Variants in CPPED1 observed in about 807,000 individuals in gnomAD.
CPPED1 encodes serine/threonine-protein phosphatase CPPED1.
CPPED1 carries 28 observed loss-of-function variants against 28.0 expected under a neutral mutation model. That is an observed-to-expected ratio of 1.00 (90% CI 0.74 to 1.37). The LOEUF (loss-of-function observed/expected upper bound fraction) is 1.37, where lower values mean the gene tolerates loss of function less well. Among genes scored for constraint, CPPED1 ranks in the 40% most tolerant of loss-of-function variants. The pLI is 0.00. For synonymous variants in CPPED1, 198 were observed against 180.2 expected (o/e 1.10, Z -0.79); for missense variants, 504 against 416.5 (o/e 1.21, Z -1.83).
At chr16:12,687,864 C>CCAGTT (rs2079941392) in intron 3 of CPPED1, among the ~76,000 whole-genome samples, 1 of 151,710 alleles carries the variant, frequency 6.6e-6, no homozygotes, top group Non-Finnish European at 1.5e-5. Flanking sequence ...AAAGCAGGCA[C>CCAGTT]TTAACTGAGT....
Position 12,689,217 on chromosome 16 carries a change from C to CTTTTTTTTTTT in CPPED1, c.715+15396_715+15406dup, listed in dbSNP as rs869107040. 3.9e-4 allele frequency among the ~76,000 whole-genome samples: 33 copies of CTTTTTTTTTTT among 83,586 alleles called. 2 individuals carry two copies. The highest frequency in any genetic ancestry group is 1.6e-3 in the African/African-American group (32 of 20,086). 54.8% of individuals were successfully genotyped at this position (83,586 alleles called of 152,430 possible). A position where few individuals can be genotyped will look rare whatever the true frequency, so the allele number is the denominator to read the frequency against. On this transcript the variant is annotated intron_variant, in intron 3 of 3. Coordinates refer to ENST00000381774, the MANE Select transcript of CPPED1 (RefSeq NM_018340.3). ...TATGATCAGCTATATGAAAAGAGGG[C>CTTTTTTTTTTT]TTTTTTTTTTTTTTTTTTTTTTTTA...
chr16:12,679,066 C>T (rs909515503), intron 3 of CPPED1, among the ~76,000 whole-genome samples: 1 of 152,146 alleles, frequency 6.6e-6, no homozygotes, highest in Non-Finnish European at 1.5e-5. Context: ...AGAGTTTGAT[C>T]AGTGAAAGCT....
At chr16:12,680,451 T>A (rs1032561401) in intron 3 of CPPED1, among the ~76,000 whole-genome samples, 10 of 152,098 alleles carry the variant, frequency 6.6e-5, no homozygotes, top group Non-Finnish European at 1.3e-4. Flanking sequence ...ATCTTAATAA[T>A]AAAAATACTG....
At chr16:12,683,043 C>T (rs1279099603) in intron 3 of CPPED1, among the ~76,000 whole-genome samples, 1 of 152,152 alleles carries the variant, frequency 6.6e-6, no homozygotes, top group Admixed American at 6.5e-5. Flanking sequence ...GGCGGCCAGC[C>T]ACGGAAGGAA....
chr16:12,700,752 C>T (rs1472755595), intron 3 of CPPED1, among the ~76,000 whole-genome samples: 1 of 152,216 alleles, frequency 6.6e-6, no homozygotes, highest in Non-Finnish European at 1.5e-5. Context: ...GAGCTAATAT[C>T]TGAGCCAGGT....
At chr16:12,783,804 T>C (rs1295366416) in intron 1 of CPPED1, among the ~76,000 whole-genome samples, 4 of 152,160 alleles carry the variant, frequency 2.6e-5, no homozygotes, top group Non-Finnish European at 5.9e-5. Flanking sequence ...AGTCCTCAAC[T>C]TACAGCACAG....
intron 2 of CPPED1, among the ~76,000 whole-genome samples, chr16:12,717,496 C>T (rs1387512042): frequency 6.6e-6 from 1 of 152,186 alleles, no homozygotes; most frequent in Non-Finnish European, 1.5e-5. Context: ...AATCTCCTGA[C>T]CTCGTGACCT....
At chr16:12,771,354 T>C (rs1299608165) in intron 2 of CPPED1, among the ~76,000 whole-genome samples, 1 of 152,270 alleles carries the variant, frequency 6.6e-6, no homozygotes, top group East Asian at 1.9e-4. Flanking sequence ...TACCATGTGC[T>C]GGCTTCTTGC....
intron 2 of CPPED1, among the ~76,000 whole-genome samples, chr16:12,737,881 G>A (rs1254686915): frequency 6.6e-6 from 1 of 152,110 alleles, no homozygotes; most frequent in Non-Finnish European, 1.5e-5. Flanking sequence ...CCTGTGTCAG[G>A]GGACCCCTGC....
chr16:12,702,531 CTCAATCAATCAA>C (rs372602706), intron 3 of CPPED1, among the ~76,000 whole-genome samples: 2 of 149,046 alleles, frequency 1.3e-5, no homozygotes, highest in Non-Finnish European at 1.5e-5. Flanking sequence ...AAGCAAGACT[CTCAATCAATCAA>C]TCAATCAATC....
chr16:12,773,682 C>T (rs2080482126), intron 2 of CPPED1, among the ~76,000 whole-genome samples: 1 of 152,180 alleles, frequency 6.6e-6, no homozygotes, highest in African/African-American at 2.4e-5. Flanking sequence ...GATCATGACA[C>T]TGTACCCAGC....
intron 2 of CPPED1, among the ~76,000 whole-genome samples, chr16:12,716,820 T>C (rs1163853171): frequency 6.6e-6 from 1 of 152,202 alleles, no homozygotes; most frequent in Non-Finnish European, 1.5e-5. Flanking sequence ...AGTGTCTTTG[T>C]TCTCAATGGC....
intron 1 of CPPED1, among the ~76,000 whole-genome samples, chr16:12,803,197 C>T (rs2080671106): frequency 6.6e-6 from 1 of 152,244 alleles, no homozygotes; most frequent in South Asian, 2.1e-4. Context: ...CTCTCTACTG[C>T]TCTGATGGGG....
At chr16:12,722,956 C>T (rs1360557676) in intron 2 of CPPED1, among the ~76,000 whole-genome samples, 1 of 152,150 alleles carries the variant, frequency 6.6e-6, no homozygotes, top group African/African-American at 2.4e-5. Flanking sequence ...AACAGGAAGA[C>T]ATCGGGATAC....
chr16:12,687,047 T>A (rs906714576), intron 3 of CPPED1, among the ~76,000 whole-genome samples: 1 of 152,162 alleles, frequency 6.6e-6, no homozygotes, highest in Non-Finnish European at 1.5e-5. Context: ...CATAAATGGC[T>A]GCATTTAGGA....
intron 1 of CPPED1, among the ~76,000 whole-genome samples, chr16:12,795,511 T>C (rs1027690167): frequency 2.6e-5 from 4 of 152,176 alleles, no homozygotes; most frequent in African/African-American, 9.6e-5. Flanking sequence ...AGCTAATCAT[T>C]GTATTTTTAG....
intron 2 of CPPED1, among the ~76,000 whole-genome samples, chr16:12,773,500 A>G (rs1039011698): frequency 7.9e-5 from 12 of 152,182 alleles, no homozygotes; most frequent in Non-Finnish European, 1.6e-4. Flanking sequence ...AGGCAAGCAG[A>G]TCACTTCCAG....
intron 2 of CPPED1, among the ~76,000 whole-genome samples, chr16:12,708,988 G>A (rs556146486): frequency 6.6e-6 from 1 of 152,282 alleles, no homozygotes; most frequent in South Asian, 2.1e-4. Flanking sequence ...GCTGAGACAG[G>A]AGAATTGCTT....
Position 12,664,212 on chromosome 16 carries a change from A to T in CPPED1, c.*674T>A. 4.0e-6 allele frequency: 1 copy of T among 247,578 alleles called. No homozygotes were observed. Among genetic ancestry groups the T allele is most frequent in the Non-Finnish European group, 6.4e-6 (1 of 155,122 alleles). The allele number at this position is 247,578 out of a possible 1,614,324, so 15.3% of individuals were successfully genotyped here. Reference sequence around the variant, plus strand: ...TTTCAGTCTCTTGGAGGAGATTTTCAGAAATGGCCAATTTATGTGCAAAGG... The same window carrying T: ...TTTCAGTCTCTTGGAGGAGATTTTCTGAAATGGCCAATTTATGTGCAAAGG... On this transcript the variant is annotated 3_prime_UTR_variant, in exon 4 of 4. Coordinates refer to ENST00000381774, the MANE Select transcript of CPPED1 (RefSeq NM_018340.3). This position sits in a 1 kb window ranked among gnomAD's most constrained non-coding sequence, Gnocchi z 4.2.
Sources: gnomAD v4.1 joint callset for allele counts (sites outside exome capture counted in the v4.1 genomes callset) on GRCh38, gnomAD v4.1.1 for gene constraint, Gnocchi (gnomAD v3.1) non-coding constraint, MANE v1.5 for transcripts, NCBI Gene and HGNC (gene_info 2026-07-23, HGNC 2026-07-21) for gene names.